SSH2: variants seen among roughly 807,000 people sequenced by gnomAD.
The protein encoded by SSH2 is slingshot protein phosphatase 2, also known as protein phosphatase Slingshot homolog 2.
A neutral mutation model predicts 135.2 loss-of-function variants in SSH2; 37 were observed. That is an observed-to-expected ratio of 0.27 (90% CI 0.21 to 0.36). The LOEUF is 0.36. Ranked by LOEUF, SSH2 falls within the 10% of genes least tolerant of loss-of-function variation. SSH2 has a pLI of 1.00. For synonymous variants in SSH2, 628 were observed against 646.2 expected (o/e 0.97, Z 0.43); for missense variants, 1,408 against 1,765.3 (o/e 0.80, Z 3.63).
intron 1 of SSH2, among the ~76,000 whole-genome samples, chr17:29,916,156 G>A (rs1309077141): frequency 1.3e-5 from 2 of 152,028 alleles, no homozygotes; most frequent in African/African-American, 4.8e-5. Flanking sequence ...TTGTTATAAT[G>A]AAAAAATTGC....
chr17:29,819,053 C>T (rs1599042883), intron 2 of SSH2, among the ~76,000 whole-genome samples: 1 of 152,018 alleles, frequency 6.6e-6, no homozygotes, highest in South Asian at 2.1e-4. Flanking sequence ...ATGGAGACAC[C>T]CCGTCTCTAC....
intron 1 of SSH2, among the ~76,000 whole-genome samples, chr17:29,888,931 C>CAAAAAAAAAAAA (rs1175371440): frequency 7.1e-5 from 3 of 42,082 alleles, no homozygotes; most frequent in African/African-American, 2.4e-4. Context: ...GACACTATCT[C>CAAAAAAAAAAAA]AAAAAAAAAA....
intron 2 of SSH2, among the ~76,000 whole-genome samples, chr17:29,798,095 A>G (rs1374927762): frequency 1.3e-5 from 2 of 152,156 alleles, no homozygotes; most frequent in Non-Finnish European, 2.9e-5. Flanking sequence ...TCTAATTGGC[A>G]ATTCTTTTCC....
chr17:29,829,925 C>T lies in SSH2; in HGVS notation c.144+18924G>A, dbSNP rs150367335. Among the ~76,000 whole-genome samples the T allele has an allele frequency of 7.0e-3, 1,067 of 151,460 alleles. 14 individuals are homozygous for T. The highest frequency in any genetic ancestry group is 0.023 in the African/African-American group (933 of 41,192). Reference sequence around the variant, plus strand: ...TGCAATCTCGGTTCACTGCAAGCTCCGCCTCCTAGGTTCATGCCATTCTCC... The same window carrying T: ...TGCAATCTCGGTTCACTGCAAGCTCTGCCTCCTAGGTTCATGCCATTCTCC... On this transcript the variant is annotated intron_variant, in intron 2 of 15. Coordinates refer to ENST00000540801, the MANE Select transcript of SSH2 (RefSeq NM_001282129.2).
chr17:29,734,403 G>A (rs1262857313), intron 3 of SSH2, among the ~76,000 whole-genome samples: 1 of 152,140 alleles, frequency 6.6e-6, no homozygotes, highest in Non-Finnish European at 1.5e-5. Flanking sequence ...TGCGTGGTAG[G>A]CTGCAGAAAT....
At chr17:29,770,541 T>G (rs963804379) in intron 3 of SSH2, among the ~76,000 whole-genome samples, 3 of 151,428 alleles carry the variant, frequency 2.0e-5, no homozygotes, top group African/African-American at 7.3e-5. Flanking sequence ...GGCATGATCT[T>G]TGCTCACTGC....
chr17:29,684,283 A>C (rs1348193833), intron 6 of SSH2, among the ~76,000 whole-genome samples: 1 of 152,018 alleles, frequency 6.6e-6, no homozygotes, highest in Non-Finnish European at 1.5e-5. Flanking sequence ...GGAGTTTGAA[A>C]CTGGCCAATA....
Position 29,838,059 on chromosome 17 carries a change from G to A in SSH2, c.144+10790C>T, listed in dbSNP as rs185160402. On this transcript the variant is annotated intron_variant, in intron 2 of 15. Transcript: ENST00000540801. ...GACCCAGGCATCTCTATACTTTTGAGGGCCCAGGAAGGTCCCTCCTTCCCC... is the reference window on the plus strand; with the variant it reads ...GACCCAGGCATCTCTATACTTTTGAAGGCCCAGGAAGGTCCCTCCTTCCCC... Among the ~76,000 whole-genome samples, 45 of 152,354 alleles carry A rather than the reference G, an allele frequency of 3.0e-4. No individual in the cohort carries two copies. The East Asian group carries it at 8.7e-3, about 29-fold the overall frequency.
intron 2 of SSH2, among the ~76,000 whole-genome samples, chr17:29,803,275 T>C (rs2042283120): frequency 6.6e-6 from 1 of 152,210 alleles, no homozygotes; most frequent in African/African-American, 2.4e-5. Context: ...TTGCTAAGGG[T>C]CATTCAGTGC....
chr17:29,639,740 C>T, intron 14 of SSH2: 1 of 152,240 alleles, frequency 6.6e-6, no homozygotes. Context: ...AAGTGAGTGG[C>T]TGTGGGGAGG....
chr17:29,829,312 T>C (rs2042798117), intron 2 of SSH2, among the ~76,000 whole-genome samples: 1 of 152,154 alleles, frequency 6.6e-6, no homozygotes, highest in South Asian at 2.1e-4. Context: ...AGAAGAAAAG[T>C]AACTTAACTA....
At chr17:29,680,223 T>C (rs2037914529) in intron 6 of SSH2, among the ~76,000 whole-genome samples, 1 of 151,978 alleles carries the variant, frequency 6.6e-6, no homozygotes, top group Non-Finnish European at 1.5e-5. Flanking sequence ...TAGCCCTTAG[T>C]TGGGCTTTCC....
chr17:29,692,746 G>C (rs2038540826), intron 5 of SSH2, among the ~76,000 whole-genome samples: 1 of 152,200 alleles, frequency 6.6e-6, no homozygotes, highest in Non-Finnish European at 1.5e-5. Context: ...GTATGTGCAA[G>C]TGACTGTTGT....
chr17:29,927,394 C>T (rs550643414), intron 1 of SSH2, among the ~76,000 whole-genome samples: 7 of 152,304 alleles, frequency 4.6e-5, no homozygotes, highest in African/African-American at 1.7e-4. Context: ...TGGTCACTCA[C>T]ACCTAGCATA....
intron 3 of SSH2, among the ~76,000 whole-genome samples, chr17:29,736,033 G>C (rs911297152): frequency 6.6e-6 from 1 of 151,886 alleles, no homozygotes; most frequent in African/African-American, 2.4e-5. Flanking sequence ...GGAGGCGGAG[G>C]TTGCAGTGAG....
At chr17:29,662,720 T>G (rs572790976) in intron 11 of SSH2, among the ~76,000 whole-genome samples, 11 of 152,334 alleles carry the variant, frequency 7.2e-5, no homozygotes, top group African/African-American at 2.6e-4. Flanking sequence ...GTACAGATTA[T>G]TTCATCACCC....
At chr17:29,659,030 T>C (rs1412584821) in intron 11 of SSH2, among the ~76,000 whole-genome samples, 3 of 152,180 alleles carry the variant, frequency 2.0e-5, no homozygotes, top group African/African-American at 7.2e-5. Flanking sequence ...ATATTACCAA[T>C]TCTTACTAAT....
intron 4 of SSH2, 61 bp downstream of exon 4, chr17:29,702,898 T>C (rs1005586010): frequency 7.8e-7 from 1 of 1,284,610 alleles, no homozygotes; most frequent in Non-Finnish European, 1.1e-6. Context: ...GTAGTCAACC[T>C]TTTAGAATGT....
At chr17:29,800,225 A>G (rs2042225869) in intron 2 of SSH2, among the ~76,000 whole-genome samples, 1 of 152,246 alleles carries the variant, frequency 6.6e-6, no homozygotes, top group African/African-American at 2.4e-5. Context: ...AGGGAAAAAA[A>G]AACTAAGCAT....
Sources: gnomAD v4.1 joint callset for allele counts (sites outside exome capture counted in the v4.1 genomes callset) on GRCh38, gnomAD v4.1.1 for gene constraint, MANE v1.5 for transcripts, NCBI Gene and HGNC (gene_info 2026-07-23, HGNC 2026-07-21) for gene names.